SPRED2: variants seen among roughly 807,000 people sequenced by gnomAD.
SPRED2 encodes sprouty-related, EVH1 domain-containing protein 2.
SPRED2 carries 47 observed loss-of-function variants against 43.0 expected under a neutral mutation model. The ratio of observed to expected loss-of-function variants is 1.09; its 90% CI spans 0.87 to 1.40. The LOEUF is 1.40. SPRED2 is among the 40% of genes most tolerant of loss of function. The pLI, the probability that SPRED2 is intolerant of heterozygous loss-of-function variation, is 0.00. For missense variants in SPRED2, 561 were observed against 586.4 expected (o/e 0.96, Z 0.45); for synonymous variants, 225 against 225.7 (o/e 1.00, Z 0.03).
chr2:65,364,385 C>G (rs1020424231), intron 1 of SPRED2, among the ~76,000 whole-genome samples: 1 of 152,192 alleles, frequency 6.6e-6, no homozygotes, highest in African/African-American at 2.4e-5. Flanking sequence ...TGATTGCTTC[C>G]AAGTTGAATG....
chr2:65,356,650 T>C (rs1017540231), intron 1 of SPRED2, among the ~76,000 whole-genome samples: 6 of 148,166 alleles, frequency 4.0e-5, no homozygotes, highest in African/African-American at 1.5e-4. Context: ...ACTATGTTAA[T>C]ACCAAATTCT....
chr2:65,369,620 A>G (rs1304661087), intron 1 of SPRED2, among the ~76,000 whole-genome samples: 5 of 46,664 alleles, frequency 1.1e-4, no homozygotes, highest in African/African-American at 1.7e-4. Flanking sequence ...TTAGAAAACA[A>G]CTTAATTATG....
chr2:65,395,366 C>T (rs759223364), intron 1 of SPRED2, among the ~76,000 whole-genome samples: 1 of 152,172 alleles, frequency 6.6e-6, no homozygotes, highest in Non-Finnish European at 1.5e-5. Flanking sequence ...GGACTTTCCC[C>T]CTTCCCCTTC....
rs369883729 is a variant in SPRED2 at position 65,373,934 on chromosome 2, T to A, written c.27-29038A>T. ...TTTCTTCATTACAAAAAGTGATAAA[T>A]TCACTACAGAAAATTTAGCAAATGC... On this transcript the variant is annotated intron_variant, in intron 1 of 5. Coordinates refer to ENST00000356388, the MANE Select transcript of SPRED2 (RefSeq NM_181784.3). The A allele has an allele frequency of 2.7e-3, 404 of 152,318 alleles. 2 individuals are homozygous for A. Among genetic ancestry groups the A allele is most frequent in the African/African-American group, 9.4e-3 (392 of 41,568 alleles). The allele number at this position is 152,318 out of a possible 1,614,324, so 9.4% of individuals were successfully genotyped here. A position where few individuals can be genotyped will look rare whatever the true frequency, so the allele number is the denominator to read the frequency against.
chr2:65,330,204 T>TCA (rs1284762582), intron 4 of SPRED2, among the ~76,000 whole-genome samples: 1 of 152,246 alleles, frequency 6.6e-6, no homozygotes, highest in Non-Finnish European at 1.5e-5. Context: ...GAGCCATGGC[T>TCA]CACATACCTT....
At chr2:65,379,535 T>G (rs111262262) in intron 1 of SPRED2, among the ~76,000 whole-genome samples, 219 of 152,304 alleles carry the variant, frequency 1.4e-3, no homozygotes, top group Middle Eastern at 0.01. Context: ...CTGGTGTCAT[T>G]CTCAGAGCCT....
chr2:65,354,266 A>C (rs969713705), intron 1 of SPRED2, among the ~76,000 whole-genome samples: 1 of 152,204 alleles, frequency 6.6e-6, no homozygotes, highest in Non-Finnish European at 1.5e-5. Flanking sequence ...TTCTCAGAGA[A>C]AGCCCCAATT....
chr2:65,401,449 A>AT (rs371948575), intron 1 of SPRED2, among the ~76,000 whole-genome samples: 3,039 of 148,548 alleles, frequency 0.02, 49 homozygotes, highest in Middle Eastern at 0.056. Context: ...GTCTCATACC[A>AT]TTTTTTTTTT....
At chr2:65,318,712 C>G (rs1232668388) in intron 4 of SPRED2, among the ~76,000 whole-genome samples, 1 of 151,932 alleles carries the variant, frequency 6.6e-6, no homozygotes, top group East Asian at 1.9e-4. Context: ...TGCTTTGTCA[C>G]CCAAGCTGGA....
chr2:65,311,667 G>C lies in SPRED2; in HGVS notation c.*1834C>G. On this transcript the variant is annotated 3_prime_UTR_variant, in exon 6 of 6. Transcript: ENST00000356388. ...GGTTCTCTTTTCTTCCATCAATCCAGATGGACAGCTCTCTGCTCCTTTTCC... is the reference window on the plus strand; with the variant it reads ...GGTTCTCTTTTCTTCCATCAATCCACATGGACAGCTCTCTGCTCCTTTTCC... The C allele has an allele frequency of 3.0e-6, 3 of 985,652 alleles. No homozygotes were observed. The highest frequency in any genetic ancestry group is 2.4e-6 in the Non-Finnish European group (2 of 829,946). 61.1% of individuals were successfully genotyped at this position (985,652 alleles called of 1,614,324 possible). A position where few individuals can be genotyped will look rare whatever the true frequency, so the allele number is the denominator to read the frequency against.
chr2:65,323,694 G>A (rs943763090), intron 4 of SPRED2, among the ~76,000 whole-genome samples: 6 of 152,034 alleles, frequency 3.9e-5, no homozygotes, highest in Non-Finnish European at 5.9e-5. Flanking sequence ...GGCTAACACG[G>A]TGAGACCCCG....
intron 1 of SPRED2, among the ~76,000 whole-genome samples, chr2:65,388,205 T>C (rs1675546946): frequency 6.6e-6 from 1 of 152,242 alleles, no homozygotes; most frequent in Non-Finnish European, 1.5e-5. Flanking sequence ...CTGTGTTCAC[T>C]TATTTTAATA....
In SPRED2 at chr2:65,312,696, C is replaced by T; in HGVS notation, c.*805G>A. ...GGGAGGCTCATAGAAACCTGAAATCCCCATTCTAGCCCTGGTCCAAGAGGA... is the reference window on the plus strand; with the variant it reads ...GGGAGGCTCATAGAAACCTGAAATCTCCATTCTAGCCCTGGTCCAAGAGGA... On this transcript the variant is annotated 3_prime_UTR_variant, in exon 6 of 6. Transcript: ENST00000356388. 1 of 985,784 alleles carries T rather than the reference C, an allele frequency of 1.0e-6. No individual in the cohort carries two copies. Among genetic ancestry groups the T allele is most frequent in the Non-Finnish European group, 1.2e-6 (1 of 829,920 alleles). 61.1% of individuals were successfully genotyped at this position (985,784 alleles called of 1,614,324 possible).
At chr2:65,430,788 T>G (rs2103826529) in intron 1 of SPRED2, among the ~76,000 whole-genome samples, 1 of 151,930 alleles carries the variant, frequency 6.6e-6, no homozygotes, top group African/African-American at 2.4e-5. Flanking sequence ...AAGGAACGGA[T>G]GCAGGCTCCG....
chr2:65,308,491 C>T (rs1672986361), downstream of SPRED2: 2 of 985,172 alleles, frequency 2.0e-6, no homozygotes, highest in South Asian at 4.7e-5. Flanking sequence ...GATCTAAATA[C>T]TCACAAAATA....
chr2:65,432,171 G>C lies in SPRED2; in HGVS notation c.-184C>G. The C allele has an allele frequency of 1.4e-6, 1 of 704,634 alleles. No individual in the cohort carries two copies. Among genetic ancestry groups the C allele is most frequent in the Non-Finnish European group, 2.4e-6 (1 of 416,728 alleles). The allele number at this position is 704,634 out of a possible 1,614,324, so 43.6% of individuals were successfully genotyped here. A position where few individuals can be genotyped will look rare whatever the true frequency, so the allele number is the denominator to read the frequency against. ...GGCGCGGGATAGGGTTTGGGGGAAG[G>C]GGTGCAAAGGCAGGCTGCGCGGGGA... On this transcript the variant is annotated 5_prime_UTR_variant, in exon 1 of 6. Transcript: ENST00000356388.
chr2:65,313,866 G>T lies in SPRED2; in HGVS notation c.892C>A (p.Arg298=), dbSNP rs140044019. 2.5e-6 allele frequency: 4 copies of T among 1,610,598 alleles called. No homozygotes were observed. In the African/African-American group the frequency reaches 5.3e-5, roughly 21 times the overall value. ...CGCTCTCCGTCCTCCTTCCGCCGCC[G>T]CGACTTGCCCCGGGAGGGCTGCGTC... ...IKTQPSRGKS[R]RRKEDGERSR... Residue 298 remains arginine (R), a synonymous_variant, in exon 6 of 6, where the codon CGG becomes AGG. Transcript: ENST00000356388.
rs76905387 is a variant in SPRED2, at chr2:65,371,007, G to A, written c.27-26111C>T. On this transcript the variant is annotated intron_variant, in intron 1 of 5. Coordinates refer to ENST00000356388, the MANE Select transcript of SPRED2 (RefSeq NM_181784.3). ...AAACAGAAATGAAGGATGCTTTCAA[G>A]GGGGCTGAATAGCCACACACAGGAT... Among the ~76,000 whole-genome samples, 16 of 152,326 alleles carry A rather than the reference G, an allele frequency of 1.1e-4. 1 individual carries two copies. The East Asian group carries it at 2.9e-3, about 28-fold the overall frequency.
intron 1 of SPRED2, among the ~76,000 whole-genome samples, chr2:65,407,244 C>CTTTTT (rs1676046098): frequency 2.6e-5 from 1 of 38,362 alleles, no homozygotes; most frequent in Non-Finnish European, 5.1e-5. Context: ...GGCGCTGGCT[C>CTTTTT]CTTTTTTTTT....
Sources: gnomAD v4.1 joint callset for allele counts (sites outside exome capture counted in the v4.1 genomes callset) on GRCh38, gnomAD v4.1.1 for gene constraint, MANE v1.5 for transcripts, NCBI Gene and HGNC (gene_info 2026-07-23, HGNC 2026-07-21) for gene names.